The following PCDH15 variants were observed in gnomAD, a reference collection of about 807,000 sequenced individuals.
The protein encoded by PCDH15 is protocadherin-15.
PCDH15 carries 129 observed loss-of-function variants against 178.5 expected under a neutral mutation model. The observed-to-expected ratio is 0.72, with a 90% CI of 0.63 to 0.84. PCDH15 has a LOEUF of 0.84. Among genes scored for constraint, PCDH15 ranks in the 40% least tolerant of loss-of-function variants. The probability of loss-of-function intolerance (pLI) is 0.00; values close to 1 mark genes in which losing one functional copy is unlikely to be tolerated. For synonymous variants in PCDH15, 800 were observed against 732.0 expected, an observed-to-expected ratio of 1.09 and a Z score of -1.50; for missense variants, 2,230 against 2,099.9, an observed-to-expected ratio of 1.06 and a Z score of -1.21.
intron 3 of PCDH15, among the ~76,000 whole-genome samples, chr10:54,455,431 G>A (rs2076752191): frequency 1.3e-5 from 2 of 152,062 alleles, no homozygotes; most frequent in African/African-American, 4.8e-5. Flanking sequence ...AAAGTAATAT[G>A]GACAACTAAG....
At chr10:55,098,390 G>A (rs1485673903) in intron 2 of PCDH15, among the ~76,000 whole-genome samples, 1 of 152,050 alleles carries the variant, frequency 6.6e-6, no homozygotes, top group African/African-American at 2.4e-5. Flanking sequence ...CCTTGGTAAG[G>A]TTTTCCTTTT....
At chr10:54,204,274 T>C (rs573043223) in intron 10 of PCDH15, among the ~76,000 whole-genome samples, 23 of 151,554 alleles carry the variant, frequency 1.5e-4, no homozygotes, top group African/African-American at 5.6e-4. Flanking sequence ...TTGGTTACAG[T>C]ACAGAAAAAT....
intron 3 of PCDH15, among the ~76,000 whole-genome samples, chr10:54,512,420 C>T (rs1041085358): frequency 1.6e-5 from 2 of 128,736 alleles, no homozygotes; most frequent in East Asian, 2.3e-4. Context: ...GGGGATGATG[C>T]GTATATGTCT....
At chr10:55,585,208 T>C (rs973373890) in intron 2 of PCDH15, among the ~76,000 whole-genome samples, 19 of 152,168 alleles carry the variant, frequency 1.2e-4, no homozygotes, top group African/African-American at 4.6e-4. Flanking sequence ...TGTTCACTCT[T>C]CCTGGGGGTA....
At chr10:55,181,650 T>C (rs2132135095) in intron 1 of PCDH15, among the ~76,000 whole-genome samples, 1 of 152,114 alleles carries the variant, frequency 6.6e-6, no homozygotes, top group Non-Finnish European at 1.5e-5. Context: ...AAGGCTAACA[T>C]TGGAGGACCC....
chr10:55,377,030 G>A (rs1418951529), intron 2 of PCDH15, among the ~76,000 whole-genome samples: 1 of 151,326 alleles, frequency 6.6e-6, no homozygotes, highest in Non-Finnish European at 1.5e-5. Context: ...AGGAATTTGT[G>A]TTTAAATGTA....
At chr10:55,158,171 C>G (rs533388687) in intron 2 of PCDH15, among the ~76,000 whole-genome samples, 1 of 151,388 alleles carries the variant, frequency 6.6e-6, no homozygotes, top group Non-Finnish European at 1.5e-5. Flanking sequence ...CACACACACA[C>G]GCACACACAT....
chr10:53,892,732 G>T (rs947640537), intron 26 of PCDH15, among the ~76,000 whole-genome samples: 1 of 152,124 alleles, frequency 6.6e-6, no homozygotes, highest in Non-Finnish European at 1.5e-5. Flanking sequence ...GAAAATGCAG[G>T]ATTAGACTAT....
At chr10:55,292,409 C>T (rs756395951) in intron 1 of PCDH15, among the ~76,000 whole-genome samples, 3 of 152,008 alleles carry the variant, frequency 2.0e-5, no homozygotes, top group Non-Finnish European at 4.4e-5. Flanking sequence ...GAGATGGAGT[C>T]TCACTCTTGC....
rs1841094804 is a variant in PCDH15 at position 53,805,547 on chromosome 10, A to G, written c.*1032T>C. The G allele has an allele frequency of 6.6e-6, 1 of 152,104 alleles. No homozygotes were observed. The allele number at this position is 152,104 out of a possible 1,614,324, so 9.4% of individuals were successfully genotyped here. On this transcript the variant is annotated 3_prime_UTR_variant, in exon 38 of 38. Coordinates refer to ENST00000644397, the MANE Select transcript of PCDH15 (RefSeq NM_001384140.1). ...AAATATGTGCATTAAAATATTCTAT[A>G]AATAACCTGAAAATGGAAGAAGTTA...
chr10:55,582,990 T>TA (rs1346146742), intron 2 of PCDH15, among the ~76,000 whole-genome samples: 8 of 152,128 alleles, frequency 5.3e-5, no homozygotes, highest in African/African-American at 1.9e-4. Flanking sequence ...TGTCATAAAT[T>TA]AAGCTATGGA....
intron 11 of PCDH15, among the ~76,000 whole-genome samples, chr10:54,195,404 T>A (rs2049504288): frequency 6.6e-6 from 1 of 152,196 alleles, no homozygotes; most frequent in South Asian, 2.1e-4. Flanking sequence ...CAACATATGT[T>A]AATAAAAATA....
At chr10:54,865,264 G>A (rs1018651700) in intron 3 of PCDH15, among the ~76,000 whole-genome samples, 1 of 152,158 alleles carries the variant, frequency 6.6e-6, no homozygotes, top group Non-Finnish European at 1.5e-5. Flanking sequence ...CTGGCTTGCT[G>A]AGTCTTCTGG....
chr10:54,272,461 G>C (rs536781796), intron 8 of PCDH15, among the ~76,000 whole-genome samples: 2 of 151,994 alleles, frequency 1.3e-5, no homozygotes, highest in Non-Finnish European at 2.9e-5. Flanking sequence ...TGTCAGATAT[G>C]GTAATTTGAT....
chr10:54,593,004 T>C (rs944465227), intron 2 of PCDH15, among the ~76,000 whole-genome samples: 1 of 152,220 alleles, frequency 6.6e-6, no homozygotes, highest in African/African-American at 2.4e-5. Context: ...CATTTGTACA[T>C]CTTTGGATTA....
In PCDH15 at chr10:54,885,867, T is replaced by A. The variant is rs1244069678; in HGVS notation, c.-29+11583A>T. On this transcript the variant is annotated intron_variant, in intron 3 of 5. Coordinates refer to the PCDH15 transcript ENST00000458638. ...AGGGATAAATAAAATGTGAATACAC[T>A]TTTTTCTCTTCCTGGCTTGCAAGGA... Among the ~76,000 whole-genome samples the A allele has an allele frequency of 2.0e-5, 3 of 152,082 alleles. No homozygotes were observed. In the East Asian group the frequency reaches 5.8e-4, roughly 29 times the overall value.
chr10:55,139,569 T>A (rs991944543), intron 2 of PCDH15, among the ~76,000 whole-genome samples: 1 of 152,082 alleles, frequency 6.6e-6, no homozygotes, highest in African/African-American at 2.4e-5. Context: ...ATTAAATTGC[T>A]TTTGCAATTG....
chr10:54,793,803 T>C (rs1951678925), intron 1 of PCDH15, among the ~76,000 whole-genome samples: 1 of 148,976 alleles, frequency 6.7e-6, no homozygotes, highest in South Asian at 2.1e-4. Flanking sequence ...TAACCAAATG[T>C]TAAATAGCGT....
chr10:54,775,218 A>T (rs572910444), intron 1 of PCDH15, among the ~76,000 whole-genome samples: 4 of 152,220 alleles, frequency 2.6e-5, no homozygotes, highest in Admixed American at 2.6e-4. Context: ...AATCCTGGAC[A>T]TAATTTTATT....
Sources: gnomAD v4.1 joint callset for allele counts (sites outside exome capture counted in the v4.1 genomes callset) on GRCh38, gnomAD v4.1.1 for gene constraint, MANE v1.5 for transcripts, NCBI Gene and HGNC (gene_info 2026-07-23, HGNC 2026-07-21) for gene names.